Variants in CNIH3 observed in about 807,000 individuals in gnomAD.
CNIH3 encodes the protein cornichon family AMPA receptor auxiliary protein 3.
CNIH3 carries 14 observed loss-of-function variants against 24.1 expected under a neutral mutation model. That is an observed-to-expected ratio of 0.58 (90% CI 0.38 to 0.91). The LOEUF is 0.91. Among genes scored for constraint, CNIH3 ranks in the 40% least tolerant of loss-of-function variants. The probability of loss-of-function intolerance (pLI) is 0.00; values close to 1 mark genes in which losing one functional copy is unlikely to be tolerated. For missense variants in CNIH3, 178 were observed against 196.8 expected, an observed-to-expected ratio of 0.90 and a Z score of 0.57; for synonymous variants, 68 against 73.8, an observed-to-expected ratio of 0.92 and a Z score of 0.40.
At chr1:224,594,872 CAAAATATACTGAAAATA>C (rs1453789454) in intron 3 of CNIH3, among the ~76,000 whole-genome samples, 1 of 152,182 alleles carries the variant, frequency 6.6e-6, no homozygotes, top group African/African-American at 2.4e-5. Context: ...AGATAAACAT[CAAAATATACTGAAAATA>C]AAAATATAAG....
intron 3 of CNIH3, among the ~76,000 whole-genome samples, chr1:224,605,255 C>A (rs1212885366): frequency 6.6e-6 from 1 of 152,176 alleles, no homozygotes; most frequent in Non-Finnish European, 1.5e-5. Context: ...TGGGGTTTCA[C>A]CAGGGACCCA....
intron 1 of CNIH3, among the ~76,000 whole-genome samples, chr1:224,491,313 C>T (rs920683748): frequency 3.3e-5 from 5 of 152,154 alleles, no homozygotes; most frequent in African/African-American, 1.2e-4. Flanking sequence ...ATTCCATAAA[C>T]CACAGAATAA....
chr1:224,730,744 A>T, intron 4 of CNIH3, 170 bp downstream of exon 4: 2 of 549,266 alleles, frequency 3.6e-6, no homozygotes, highest in Non-Finnish European at 6.5e-6. Context: ...CAACAAGTCC[A>T]ATAAGGAAAG....
intron 1 of CNIH3, among the ~76,000 whole-genome samples, chr1:224,647,661 C>T (rs1225991101): frequency 6.6e-6 from 1 of 152,204 alleles, no homozygotes; most frequent in Non-Finnish European, 1.5e-5. Flanking sequence ...TGTGTGTTAA[C>T]CCCACTTCTA....
chr1:224,589,664 C>T (rs1681666064), downstream of CNIH3, among the ~76,000 whole-genome samples: 1 of 152,160 alleles, frequency 6.6e-6, no homozygotes, highest in Non-Finnish European at 1.5e-5. Context: ...CACACAACTC[C>T]CCAGCCCCAG....
intron 3 of CNIH3, among the ~76,000 whole-genome samples, chr1:224,728,308 G>C (rs1412208339): frequency 6.6e-6 from 1 of 152,192 alleles, no homozygotes; most frequent in Non-Finnish European, 1.5e-5. Context: ...GGAGGGGGTA[G>C]GGTGATGCCT....
intron 1 of CNIH3, among the ~76,000 whole-genome samples, chr1:224,457,517 T>TG (rs2102976948): frequency 6.7e-6 from 1 of 149,060 alleles, no homozygotes; most frequent in Non-Finnish European, 1.5e-5. Context: ...GGGGATTTTT[T>TG]TTTTTTTTTT....
At chr1:224,699,457 G>T (rs1283996602) in intron 3 of CNIH3, among the ~76,000 whole-genome samples, 1 of 152,172 alleles carries the variant, frequency 6.6e-6, no homozygotes, top group African/African-American at 2.4e-5. Flanking sequence ...TCTTCTCACA[G>T]GTCTGGAGGC....
chr1:224,605,211 G>A (rs1190664053), intron 3 of CNIH3, among the ~76,000 whole-genome samples: 1 of 152,208 alleles, frequency 6.6e-6, no homozygotes, highest in Non-Finnish European at 1.5e-5. Context: ...TTGTAGCTTG[G>A]CTTTCAGGCT....
chr1:224,559,634 A>G (rs1680280896), intron 3 of CNIH3, among the ~76,000 whole-genome samples: 5 of 152,156 alleles, frequency 3.3e-5, no homozygotes, highest in South Asian at 4.1e-4. Context: ...TGGCCTCCCA[A>G]TGTGCTGGGA....
intron 1 of CNIH3, among the ~76,000 whole-genome samples, chr1:224,479,589 T>G (rs1252830509): frequency 1.3e-5 from 2 of 152,214 alleles, no homozygotes; most frequent in African/African-American, 4.8e-5. Context: ...TACAATGGGG[T>G]TACAGGCATT....
chr1:224,689,349 T>G (rs1262759425), intron 3 of CNIH3, among the ~76,000 whole-genome samples: 8 of 152,214 alleles, frequency 5.3e-5, no homozygotes, highest in Non-Finnish European at 1.2e-4. Flanking sequence ...TCCTGACCCT[T>G]AAGTTCTACC....
chr1:224,574,017 C>A (rs1481821694), intron 4 of CNIH3, among the ~76,000 whole-genome samples: 1 of 152,136 alleles, frequency 6.6e-6, no homozygotes, highest in Non-Finnish European at 1.5e-5. Flanking sequence ...CCCACCTCAG[C>A]CTCCCAAGGT....
rs535349588 is a variant in CNIH3, at chr1:224,693,401, C to T, written c.198+8558C>T. Among the ~76,000 whole-genome samples the T allele has an allele frequency of 2.6e-5, 4 of 152,324 alleles. No homozygotes were observed. The East Asian group carries it at 5.8e-4, about 22-fold the overall frequency. On this transcript the variant is annotated intron_variant, in intron 3 of 5. Coordinates refer to ENST00000272133, the MANE Select transcript of CNIH3 (RefSeq NM_152495.2). ...GATAATAAGGTATCAAACCAGCTTA[C>T]AGCAACCATAATTTATTTCTCACGA...
intron 1 of CNIH3, chr1:224,434,908 G>A (rs554206066): frequency 2.0e-6 from 2 of 985,614 alleles, no homozygotes; most frequent in African/African-American, 1.8e-5. Flanking sequence ...TGCATCGGGG[G>A]CTGTCCCGGG....
chr1:224,479,433 C>T (rs748752668), intron 1 of CNIH3, among the ~76,000 whole-genome samples: 3 of 151,796 alleles, frequency 2.0e-5, no homozygotes, highest in Admixed American at 6.6e-5. Flanking sequence ...GGATTACAGG[C>T]GTGAGCCACT....
intron 3 of CNIH3, among the ~76,000 whole-genome samples, chr1:224,707,478 G>A (rs1237446355): frequency 1.4e-5 from 2 of 141,832 alleles, no homozygotes; most frequent in Non-Finnish European, 1.5e-5. Flanking sequence ...ATGATTGAGA[G>A]TTAACCACAA....
At chr1:224,440,303 C>T (rs975141245) in intron 1 of CNIH3, among the ~76,000 whole-genome samples, 3 of 152,174 alleles carry the variant, frequency 2.0e-5, no homozygotes, top group African/African-American at 7.2e-5. Context: ...AGTCATAGCT[C>T]ACTGCAGCCT....
At chr1:224,476,852 C>A (rs1418209055) in intron 1 of CNIH3, among the ~76,000 whole-genome samples, 1 of 152,122 alleles carries the variant, frequency 6.6e-6, no homozygotes, top group Admixed American at 6.5e-5. Context: ...CAAAGCTATC[C>A]TAAGCAAAAA....
Sources: gnomAD v4.1 joint callset for allele counts (sites outside exome capture counted in the v4.1 genomes callset) on GRCh38, gnomAD v4.1.1 for gene constraint, MANE v1.5 for transcripts, NCBI Gene and HGNC (gene_info 2026-07-23, HGNC 2026-07-21) for gene names.